Variants in PTK2B observed in about 807,000 individuals in gnomAD.
The protein encoded by PTK2B is protein tyrosine kinase 2 beta.
PTK2B carries 71 observed loss-of-function variants against 142.9 expected under a neutral mutation model. The observed-to-expected ratio is 0.50, with a 90% CI of 0.41 to 0.61. PTK2B has a LOEUF of 0.61. Among genes scored for constraint, PTK2B ranks in the 20% least tolerant of loss-of-function variants. PTK2B has a pLI of 0.00. For missense variants in PTK2B, 1,105 were observed against 1,320.4 expected, an observed-to-expected ratio of 0.84 and a Z score of 2.53; for synonymous variants, 519 against 503.4, an observed-to-expected ratio of 1.03 and a Z score of -0.42.
At chr8:27,389,682 T>C (rs1051118952) in intron 1 of PTK2B, among the ~76,000 whole-genome samples, 29 of 152,198 alleles carry the variant, frequency 1.9e-4, no homozygotes, top group Admixed American at 5.9e-4. Flanking sequence ...TGTATTACAT[T>C]CAATTATAGC....
At chr8:27,390,346 G>A (rs185702746) in intron 1 of PTK2B, among the ~76,000 whole-genome samples, 6 of 152,208 alleles carry the variant, frequency 3.9e-5, no homozygotes, top group Admixed American at 6.5e-5. Flanking sequence ...TAAAAGTCAG[G>A]TTTAAAGGCC....
At chr8:27,310,778 C>T, upstream of PTK2B, 1 of 1,552,384 alleles carries the variant, frequency 6.4e-7, no homozygotes. Context: ...GCTCGGCCGC[C>T]TCGTGCAAAT....
chr8:27,357,414 A>G lies in PTK2B; in HGVS notation c.-38+31733A>G, dbSNP rs1805450525. ...CATCATTTCCAGGGGTCTTCTCATG[A>G]TCTTGTAGGATAGGGAGGTAACCAG... On this transcript the variant is annotated intron_variant, in intron 1 of 30. Transcript: ENST00000346049. 3.3e-5 allele frequency among the ~76,000 whole-genome samples: 5 copies of G among 152,184 alleles called. No individual in the cohort carries two copies. The South Asian group carries it at 8.3e-4, about 25-fold the overall frequency.
At chr8:27,431,301 A>T (rs1446568544) in intron 8 of PTK2B, 97 bp from the exon 9 acceptor site, 2 of 1,590,870 alleles carry the variant, frequency 1.3e-6, no homozygotes, top group Non-Finnish European at 1.7e-6. Flanking sequence ...GACCCAGGAA[A>T]CAGTGGCTTG....
At chr8:27,324,928 G>A (rs1279980315), upstream of PTK2B, among the ~76,000 whole-genome samples, 6 of 152,176 alleles carry the variant, frequency 3.9e-5, no homozygotes, top group Non-Finnish European at 2.9e-5. Context: ...CTCTGGGCGG[G>A]GCCCCTGGAA....
In PTK2B at chr8:27,454,205, A is replaced by G. The variant is rs1811997824; in HGVS notation, c.2647A>G (p.Asn883Asp). The change falls in exon 29 of 31, where the codon AAT becomes GAT. Residue 883 changes from asparagine (N) to aspartate (D), a missense_variant. Transcript: ENST00000346049. ...CCGGACTGATGACCTGGTGTACCTCAATGTCATGGAGCTGGTGCGGGCCGT... is the reference window on the plus strand; with the variant it reads ...CCGGACTGATGACCTGGTGTACCTCGATGTCATGGAGCTGGTGCGGGCCGT... ...LDRTDDLVYL[N>D]VMELVRAVLE... 3 of 1,613,998 alleles carry G rather than the reference A, an allele frequency of 1.9e-6. No homozygotes were observed. The East Asian group carries it at 6.7e-5, about 36-fold the overall frequency.
chr8:27,351,247 T>C (rs150752640), intron 1 of PTK2B, among the ~76,000 whole-genome samples: 1,855 of 151,110 alleles, frequency 0.012, 42 homozygotes, highest in African/African-American at 0.042. Flanking sequence ...CAGTGGGATT[T>C]AATCTATGTT....
chr8:27,446,101 G>T (rs1316558459), intron 24 of PTK2B, among the ~76,000 whole-genome samples, 182 bp downstream of exon 24: 3 of 152,208 alleles, frequency 2.0e-5, no homozygotes, highest in Non-Finnish European at 2.9e-5. Flanking sequence ...ATCAGAGGCT[G>T]GCAGCCACAC....
chr8:27,377,433 A>G (rs1262528787), intron 1 of PTK2B, among the ~76,000 whole-genome samples: 1 of 152,210 alleles, frequency 6.6e-6, no homozygotes, highest in Non-Finnish European at 1.5e-5. Context: ...GATTTGTCCC[A>G]GATGATTAGA....
chr8:27,436,609 T>C lies in PTK2B; in HGVS notation c.1341+261T>C, dbSNP rs185806771. Among the ~76,000 whole-genome samples the C allele has an allele frequency of 1.6e-3, 239 of 151,934 alleles. 4 individuals are homozygous for C. Among genetic ancestry groups the C allele is most frequent in the Admixed American group, 0.015 (222 of 15,252 alleles). On this transcript the variant is annotated intron_variant, in intron 15 of 30. Coordinates refer to ENST00000346049, the MANE Select transcript of PTK2B (RefSeq NM_173176.3). ...CCTGGAGAAGGGTCAGTATTCTTGG[T>C]GGGAGAATACAAAGGGGGAGGCGGG...
chr8:27,351,395 G>A lies in PTK2B; in HGVS notation c.-38+25714G>A, dbSNP rs527816766. Among the ~76,000 whole-genome samples the A allele has an allele frequency of 3.9e-5, 6 of 151,910 alleles. No individual in the cohort carries two copies. In the East Asian group the frequency reaches 1.2e-3, roughly 29 times the overall value. On this transcript the variant is annotated intron_variant, in intron 1 of 30. Transcript: ENST00000346049. ...AAGATGTTAGAAGTGATTAATCTGGGATTGTAGAAATGTTCCATTTGCCTT... is the reference window on the plus strand; with the variant it reads ...AAGATGTTAGAAGTGATTAATCTGGAATTGTAGAAATGTTCCATTTGCCTT...
intron 1 of PTK2B, among the ~76,000 whole-genome samples, chr8:27,339,406 C>G (rs1804258558): frequency 2.6e-5 from 4 of 152,216 alleles, no homozygotes; most frequent in Admixed American, 2.6e-4. Context: ...GCCACACTCA[C>G]CACCTACTGC....
At position 27,371,294 on chromosome 8, in the gene PTK2B, G is replaced by A. The variant is rs544025455; in HGVS notation, c.-37-26254G>A. 1.2e-4 allele frequency among the ~76,000 whole-genome samples: 19 copies of A among 152,276 alleles called. No individual in the cohort carries two copies. In the East Asian group the frequency reaches 3.3e-3, roughly 26 times the overall value. ...GAGCATTGAGGGAGCTACACAGAGGGCATTCTTGCCGGCTGAGAGAGTTGT... is the reference window on the plus strand; with the variant it reads ...GAGCATTGAGGGAGCTACACAGAGGACATTCTTGCCGGCTGAGAGAGTTGT... On this transcript the variant is annotated intron_variant, in intron 1 of 30. Coordinates refer to ENST00000346049, the MANE Select transcript of PTK2B (RefSeq NM_173176.3).
At chr8:27,391,605 G>A (rs117985530) in intron 1 of PTK2B, among the ~76,000 whole-genome samples, 1 of 152,242 alleles carries the variant, frequency 6.6e-6, no homozygotes, top group East Asian at 1.9e-4. Flanking sequence ...CAGGGGCACA[G>A]TACTAGGTGC....
chr8:27,416,157 A>G (rs954308409), intron 2 of PTK2B, among the ~76,000 whole-genome samples: 1 of 152,244 alleles, frequency 6.6e-6, no homozygotes, highest in African/African-American at 2.4e-5. Flanking sequence ...AATGCAGCAG[A>G]CTTTTTAAAA....
At chr8:27,333,784 C>G (rs1278438787) in intron 1 of PTK2B, among the ~76,000 whole-genome samples, 2 of 152,104 alleles carry the variant, frequency 1.3e-5, no homozygotes, top group African/African-American at 4.8e-5. Flanking sequence ...GGAATATGCA[C>G]TTAGATCCAC....
chr8:27,394,259 T>C (rs192187925), intron 1 of PTK2B, among the ~76,000 whole-genome samples: 131 of 152,308 alleles, frequency 8.6e-4, no homozygotes, highest in Admixed American at 6.3e-3. Context: ...TCTTTTTGAC[T>C]GTTTTCCCTT....
intron 2 of PTK2B, 71 bp from the exon 3 acceptor site, chr8:27,419,824 G>T: frequency 1.3e-6 from 2 of 1,526,762 alleles, no homozygotes; most frequent in Non-Finnish European, 1.8e-6. Flanking sequence ...CCACTTTTCA[G>T]GTCTGTGTGA....
At chr8:27,355,346 AAG>A (rs1170637239) in intron 1 of PTK2B, among the ~76,000 whole-genome samples, 2 of 152,150 alleles carry the variant, frequency 1.3e-5, no homozygotes, top group Non-Finnish European at 2.9e-5. Flanking sequence ...GAAGAGAGAC[AAG>A]AGAGAGATTG....
Sources: gnomAD v4.1 joint callset for allele counts (sites outside exome capture counted in the v4.1 genomes callset) on GRCh38, gnomAD v4.1.1 for gene constraint, MANE v1.5 for transcripts, NCBI Gene and HGNC (gene_info 2026-07-23, HGNC 2026-07-21) for gene names.